The following ANKRD18A variants were observed in gnomAD, a reference collection of about 807,000 sequenced individuals.
ANKRD18A encodes ankyrin repeat domain-containing protein 18A.
In ANKRD18A, 72 loss-of-function variants were observed where a neutral mutation model predicts 110.6. The ratio of observed to expected loss-of-function variants is 0.65; its 90% CI spans 0.54 to 0.79. The LOEUF (loss-of-function observed/expected upper bound fraction) is 0.79. Ranked by LOEUF, ANKRD18A falls within the 30% of genes least tolerant of loss-of-function variation. ANKRD18A has a pLI of 0.00. For synonymous variants in ANKRD18A, 305 were observed against 410.3 expected (o/e 0.74, Z 3.10); for missense variants, 934 against 1,163.3 (o/e 0.80, Z 2.87).
intron 8 of ANKRD18A, among the ~76,000 whole-genome samples, chr9:38,599,622 A>G (rs905145512): frequency 1.3e-5 from 2 of 151,562 alleles, no homozygotes; most frequent in Non-Finnish European, 2.9e-5. Context: ...GCACCACCAC[A>G]CCCAGCTAAT....
chr9:38,583,704 A>G (rs1388125536), intron 12 of ANKRD18A, among the ~76,000 whole-genome samples: 1 of 152,200 alleles, frequency 6.6e-6, no homozygotes, highest in African/African-American at 2.4e-5. Context: ...AGCATTATTA[A>G]TAAGAGTCAA....
At chr9:38,602,701 C>T (rs1825172646) in intron 7 of ANKRD18A, among the ~76,000 whole-genome samples, 1 of 152,164 alleles carries the variant, frequency 6.6e-6, no homozygotes, top group South Asian at 2.1e-4. Flanking sequence ...GATGGGGTCT[C>T]ACTCTGCCAC....
chr9:38,598,009 T>C (rs1824960950), intron 8 of ANKRD18A, among the ~76,000 whole-genome samples: 1 of 152,174 alleles, frequency 6.6e-6, no homozygotes, highest in Admixed American at 6.5e-5. Context: ...GAATTATAAG[T>C]TTAAACAGTT....
rs140118298 is a variant in ANKRD18A, at chr9:38,614,116, G to A, written c.495+1478C>T. On this transcript the variant is annotated intron_variant, in intron 3 of 15. Transcript: ENST00000399703. ...TTGAAGAAAGTAGCACCTATCGAAT[G>A]CCAACTCTTTTAGAGATTTCTTATG... 6.6e-5 allele frequency among the ~76,000 whole-genome samples: 10 copies of A among 151,776 alleles called. 1 individual carries two copies. The South Asian group carries it at 1.5e-3, about 22-fold the overall frequency.
intron 13 of ANKRD18A, 111 bp downstream of exon 13, chr9:38,577,756 T>C (rs1823963789): frequency 1.6e-6 from 2 of 1,237,060 alleles, no homozygotes; most frequent in Non-Finnish European, 2.1e-6. Context: ...ACGAAGGAAA[T>C]TGCTGTAAGA....
intron 11 of ANKRD18A, among the ~76,000 whole-genome samples, chr9:38,586,558 TTTTTTTGTTTG>T: frequency 1.3e-5 from 2 of 152,152 alleles, no homozygotes; most frequent in Middle Eastern, 6.8e-3. Context: ...TTTTTGGTTT[TTTTTTTGTTTG>T]TTTTTGTTTT....
chr9:38,614,219 GTTT>G (rs58955752), intron 3 of ANKRD18A, among the ~76,000 whole-genome samples: 75 of 68,842 alleles, frequency 1.1e-3, no homozygotes, highest in South Asian at 2.2e-3. Context: ...GAACACTGAG[GTTT>G]TTTTTTTTTT....
intron 1 of ANKRD18A, among the ~76,000 whole-genome samples, 183 bp from the exon 2 acceptor site, chr9:38,616,227 A>G (rs375817299): frequency 6.6e-6 from 1 of 152,182 alleles, no homozygotes; most frequent in Non-Finnish European, 1.5e-5. Context: ...ACAGCAGCCT[A>G]TTTGGATAGA....
At chr9:38,597,923 T>C (rs1339179165) in intron 8 of ANKRD18A, among the ~76,000 whole-genome samples, 3 of 152,298 alleles carry the variant, frequency 2.0e-5, no homozygotes, top group East Asian at 3.9e-4. Flanking sequence ...AACAGAAACA[T>C]TGGAGAGTGG....
chr9:38,593,174 A>G (rs1254584875), intron 10 of ANKRD18A, among the ~76,000 whole-genome samples: 1 of 152,250 alleles, frequency 6.6e-6, no homozygotes, highest in Non-Finnish European at 1.5e-5. Flanking sequence ...TTGGATGTAC[A>G]TACTCTATTA....
intron 8 of ANKRD18A, among the ~76,000 whole-genome samples, 159 bp downstream of exon 8, chr9:38,600,972 A>G (rs1051489226): frequency 1.3e-5 from 2 of 152,252 alleles, no homozygotes; most frequent in African/African-American, 4.8e-5. Flanking sequence ...TTTACATTTT[A>G]TAACAGGCTA....
At chr9:38,580,147 T>C (rs1466147961) in intron 12 of ANKRD18A, among the ~76,000 whole-genome samples, 1 of 152,220 alleles carries the variant, frequency 6.6e-6, no homozygotes, top group Non-Finnish European at 1.5e-5. Context: ...CTGATGCCCG[T>C]AATTTCCTAG....
At position 38,572,058 on chromosome 9, in the gene ANKRD18A, A is replaced by C; in HGVS notation, c.2966T>G (p.Val989Gly). 6.3e-7 allele frequency: 1 copy of C among 1,583,754 alleles called. No individual in the cohort carries two copies. The highest frequency in any genetic ancestry group is 8.5e-7 in the Non-Finnish European group (1 of 1,169,772). ...SNNCKNFLTE[V>G]LLC ...GGGAGCAAGTGCTCAACATAGCAAA[A>C]CCTGGAAAGAAAAAGAAAGGATTAT... Residue 989 changes from valine (V) to glycine (G), a missense_variant and splice_region_variant, in exon 16 of 16, where the codon GTT becomes GGT. Transcript: ENST00000399703.
intron 10 of ANKRD18A, among the ~76,000 whole-genome samples, chr9:38,592,105 TTTGA>T (rs1824676420): frequency 6.6e-6 from 1 of 152,154 alleles, no homozygotes. Context: ...AACATGAGCA[TTTGA>T]TTGAACAATT....
chr9:38,616,599 T>A (rs1323372334), intron 1 of ANKRD18A, among the ~76,000 whole-genome samples: 1 of 151,964 alleles, frequency 6.6e-6, no homozygotes, highest in Non-Finnish European at 1.5e-5. Context: ...ACCACAGGAG[T>A]GCACCAGCAT....
At chr9:38,566,839 T>A (rs1435883861), downstream of ANKRD18A, 2 of 152,144 alleles carry the variant, frequency 1.3e-5, no homozygotes, top group East Asian at 3.9e-4. Context: ...CCAGGTGTCA[T>A]GAGAAGTCAC....
At chr9:38,573,541 C>G (rs1823744097) in intron 15 of ANKRD18A, among the ~76,000 whole-genome samples, 1 of 151,796 alleles carries the variant, frequency 6.6e-6, no homozygotes, top group African/African-American at 2.4e-5. Flanking sequence ...ATGATGAAAC[C>G]CTATCTCTAC....
chr9:38,586,448 T>C (rs1339451770), intron 11 of ANKRD18A, 136 bp from the exon 12 acceptor site: 2 of 743,696 alleles, frequency 2.7e-6, no homozygotes, highest in African/African-American at 3.6e-5. Flanking sequence ...CAACTGAACA[T>C]AGTTTGAAAG....
chr9:38,590,879 TTA>T (rs1324138985), intron 10 of ANKRD18A, among the ~76,000 whole-genome samples: 1 of 152,154 alleles, frequency 6.6e-6, no homozygotes, highest in Non-Finnish European at 1.5e-5. Context: ...CTGCCCCTTA[TTA>T]TATGTTTTAC....
Sources: allele counts gnomAD v4.1 joint callset (sites outside exome capture counted in the v4.1 genomes callset), GRCh38; gene constraint gnomAD v4.1.1; transcripts MANE v1.5; gene names NCBI Gene and HGNC (gene_info 2026-07-23, HGNC 2026-07-21).